CSMD3: variants seen among roughly 807,000 people sequenced by gnomAD.
CSMD3 encodes CUB and Sushi multiple domains 3.
Under a neutral mutation model 435.2 loss-of-function variants are expected in CSMD3, and 177 were observed. The ratio of observed to expected loss-of-function variants is 0.41; its 90% CI spans 0.36 to 0.46. The LOEUF (loss-of-function observed/expected upper bound fraction) is 0.46, where lower values mean the gene tolerates loss of function less well. Ranked by LOEUF, CSMD3 falls within the 20% of genes least tolerant of loss-of-function variation. CSMD3 has a pLI of 0.34. For missense variants in CSMD3, 4,265 were observed against 4,504.6 expected (o/e 0.95, Z 1.52); for synonymous variants, 1,656 against 1,520.5 (o/e 1.09, Z -2.07).
intron 4 of CSMD3, among the ~76,000 whole-genome samples, chr8:113,130,895 G>A (rs1052904706): frequency 2.6e-5 from 4 of 152,112 alleles, no homozygotes; most frequent in African/African-American, 4.8e-5. Flanking sequence ...GAGCAAGGCC[G>A]CTCTTGCTAT....
At chr8:112,910,938 T>A (rs532507420) in intron 10 of CSMD3, among the ~76,000 whole-genome samples, 19 of 152,082 alleles carry the variant, frequency 1.2e-4, no homozygotes, top group African/African-American at 4.6e-4. Flanking sequence ...ACAATGTTGA[T>A]CACATCTGAT....
intron 1 of CSMD3, among the ~76,000 whole-genome samples, chr8:113,428,992 C>A (rs575455644): frequency 6.6e-6 from 1 of 151,698 alleles, no homozygotes; most frequent in Non-Finnish European, 1.5e-5. Context: ...TCTTCATAAT[C>A]TTAAACATTA....
chr8:112,537,864 C>A (rs1826280350), intron 27 of CSMD3, among the ~76,000 whole-genome samples: 1 of 152,036 alleles, frequency 6.6e-6, no homozygotes, highest in Admixed American at 6.6e-5. Flanking sequence ...AAGTACCCTT[C>A]CAAACTCATT....
rs1385717675 is a variant in CSMD3 at position 112,560,828 on chromosome 8, T to A, written c.4043-3874A>T. On this transcript the variant is annotated intron_variant, in intron 24 of 70. Transcript: ENST00000297405. ...TGCTCAAAAATTACAAGTTTGCATT[T>A]CTTCCAGCAGATATAATATTCAGTT... is the stretch of plus-strand genomic sequence containing the variant. 2.0e-5 allele frequency among the ~76,000 whole-genome samples: 3 copies of A among 151,720 alleles called. No individual in the cohort carries two copies. The East Asian group carries it at 5.8e-4, about 29-fold the overall frequency.
At chr8:112,777,975 C>T (rs2078286939) in intron 13 of CSMD3, among the ~76,000 whole-genome samples, 1 of 151,786 alleles carries the variant, frequency 6.6e-6, no homozygotes, top group Admixed American at 6.6e-5. Context: ...AATGCTTCTA[C>T]TAACACAAAA....
chr8:112,314,818 A>AT (rs1822313958), intron 47 of CSMD3, among the ~76,000 whole-genome samples: 1 of 152,014 alleles, frequency 6.6e-6, no homozygotes, highest in Non-Finnish European at 1.5e-5. Context: ...GTATTGATTT[A>AT]TTTTTTATTA....
In CSMD3 at chr8:112,318,880, T is replaced by C. The variant is rs750296890; in HGVS notation, c.7317A>G (p.Leu2439=). ...LVGNAILTCR[L]GERLQMDGAP... ...CTCCATCCATCTGCAGTCGTTCTCC[T>C]AATCTGCACGTCAGAATTGCATTAC... is the stretch of plus-strand genomic sequence containing the variant. Residue 2439 remains leucine (L), a synonymous_variant, in exon 47 of 71, where the codon TTA becomes TTG. Coordinates refer to ENST00000297405, the MANE Select transcript of CSMD3 (RefSeq NM_198123.2). 7 of 1,612,650 alleles carry C rather than the reference T, an allele frequency of 4.3e-6. No homozygotes were observed. The South Asian group carries it at 4.4e-5, about 10-fold the overall frequency.
chr8:112,937,307 C>T (rs1270413370), intron 9 of CSMD3, among the ~76,000 whole-genome samples: 1 of 150,104 alleles, frequency 6.7e-6, no homozygotes, highest in African/African-American at 2.4e-5. Context: ...ATCAAAAGAA[C>T]AGTTATGCTT....
intron 13 of CSMD3, among the ~76,000 whole-genome samples, chr8:112,696,804 G>C (rs1339329292): frequency 6.6e-6 from 1 of 151,560 alleles, no homozygotes; most frequent in East Asian, 2.0e-4. Flanking sequence ...CAGAATGGGA[G>C]AAAATTTTTG....
intron 1 of CSMD3, among the ~76,000 whole-genome samples, chr8:113,401,885 C>G (rs1379611863): frequency 2.0e-5 from 3 of 151,450 alleles, no homozygotes; most frequent in Non-Finnish European, 4.4e-5. Context: ...AGTTTTTGGC[C>G]TAGAAACAGT....
chr8:113,175,900 A>G (rs1236863579), intron 3 of CSMD3, among the ~76,000 whole-genome samples: 1 of 152,068 alleles, frequency 6.6e-6, no homozygotes, highest in Admixed American at 6.6e-5. Flanking sequence ...AAATTATGTC[A>G]CAGGAAGCAA....
chr8:112,712,814 C>A (rs1252877091), intron 13 of CSMD3, among the ~76,000 whole-genome samples: 1 of 150,536 alleles, frequency 6.6e-6, no homozygotes, highest in African/African-American at 2.5e-5. Flanking sequence ...AAAAAAAGAG[C>A]CTGAAGTTTC....
chr8:112,993,724 C>T (rs530638554), intron 6 of CSMD3, among the ~76,000 whole-genome samples: 1 of 151,786 alleles, frequency 6.6e-6, no homozygotes, highest in Non-Finnish European at 1.5e-5. Context: ...TGACTGGTAC[C>T]TGGTCAATGA....
At chr8:112,231,002 T>A (rs1467659944) in intron 69 of CSMD3, among the ~76,000 whole-genome samples, 1 of 152,144 alleles carries the variant, frequency 6.6e-6, no homozygotes, top group Non-Finnish European at 1.5e-5. Flanking sequence ...TTTATATACA[T>A]ATAGAAGAGT....
chr8:112,588,920 A>G (rs1262913638), intron 22 of CSMD3, among the ~76,000 whole-genome samples: 1 of 152,102 alleles, frequency 6.6e-6, no homozygotes, highest in East Asian at 1.9e-4. Flanking sequence ...TTTTTGGAAT[A>G]CAGGTATGTT....
At chr8:113,434,252 A>G (rs2094691981) in intron 1 of CSMD3, among the ~76,000 whole-genome samples, 1 of 152,164 alleles carries the variant, frequency 6.6e-6, no homozygotes, top group African/African-American at 2.4e-5. Context: ...CCCTCACGCT[A>G]GTCTAGATTA....
At chr8:112,902,012 C>T (rs774354302) in intron 10 of CSMD3, among the ~76,000 whole-genome samples, 1 of 151,280 alleles carries the variant, frequency 6.6e-6, no homozygotes, top group South Asian at 2.1e-4. Context: ...ATTGTGAATG[C>T]CCATATAATG....
intron 1 of CSMD3, among the ~76,000 whole-genome samples, chr8:113,394,200 T>C (rs547614867): frequency 6.8e-6 from 1 of 147,740 alleles, no homozygotes; most frequent in Non-Finnish European, 1.5e-5. Flanking sequence ...ACAAGGGGTT[T>C]AATGGTAAAC....
At chr8:112,614,851 C>A (rs1185198843) in intron 22 of CSMD3, among the ~76,000 whole-genome samples, 1 of 151,872 alleles carries the variant, frequency 6.6e-6, no homozygotes, top group Non-Finnish European at 1.5e-5. Context: ...TAAATGCTAC[C>A]TTTTACTCTG....
Sources: gnomAD v4.1 joint callset for allele counts (sites outside exome capture counted in the v4.1 genomes callset) on GRCh38, gnomAD v4.1.1 for gene constraint, MANE v1.5 for transcripts, NCBI Gene and HGNC (gene_info 2026-07-23, HGNC 2026-07-21) for gene names.